EPM2A: variants seen among roughly 807,000 people sequenced by gnomAD.
EPM2A encodes laforin.
EPM2A carries 21 observed loss-of-function variants against 26.5 expected under a neutral mutation model. The observed-to-expected ratio is 0.79, with a 90% confidence interval of 0.56 to 1.14. EPM2A has a LOEUF of 1.14. Among genes scored for constraint, EPM2A ranks in the 50% most tolerant of loss-of-function variants. The probability of loss-of-function intolerance (pLI) is 0.00; values close to 1 mark genes in which losing one functional copy is unlikely to be tolerated. For missense variants in EPM2A, 458 were observed against 440.8 expected, an observed-to-expected ratio of 1.04 and a Z score of -0.35; for synonymous variants, 217 against 177.6, an observed-to-expected ratio of 1.22 and a Z score of -1.76.
intron 2 of EPM2A, among the ~76,000 whole-genome samples, chr6:145,590,414 A>G (rs893939301): frequency 4.0e-5 from 6 of 150,648 alleles, no homozygotes; most frequent in Non-Finnish European, 1.5e-5. Flanking sequence ...TTCGTATCTC[A>G]CTTAAATGGA....
intron 4 of EPM2A, among the ~76,000 whole-genome samples, chr6:145,405,891 A>T (rs957431891): frequency 6.6e-6 from 1 of 151,968 alleles, no homozygotes; most frequent in Admixed American, 6.6e-5. Context: ...CAATCTTATT[A>T]TTCCATCAAA....
chr6:145,603,307 T>C (rs561320825), intron 2 of EPM2A, among the ~76,000 whole-genome samples: 5 of 151,212 alleles, frequency 3.3e-5, no homozygotes, highest in African/African-American at 1.2e-4. Context: ...TTAAAGTAAA[T>C]GAGCCTGACC....
chr6:145,475,530 T>A (rs1189954963), intron 4 of EPM2A, among the ~76,000 whole-genome samples: 1 of 151,904 alleles, frequency 6.6e-6, no homozygotes, highest in Non-Finnish European at 1.5e-5. Context: ...GGTTGATCGG[T>A]GCAGCACACC....
At chr6:145,571,400 C>T (rs181847279) in intron 2 of EPM2A, among the ~76,000 whole-genome samples, 13 of 152,230 alleles carry the variant, frequency 8.5e-5, no homozygotes, top group East Asian at 7.7e-4. Flanking sequence ...CTTCTTTAGC[C>T]GTAAAGTTAG....
rs965722746 is a variant in EPM2A at position 145,555,003 on chromosome 6, C to T, written c.341-52428G>A. Reference sequence around the variant, plus strand: ...CCACTCACCTATGGAAGGTAATCTGCTTTACTCAAAATCTAATCATTTACA... The same window carrying T: ...CCACTCACCTATGGAAGGTAATCTGTTTTACTCAAAATCTAATCATTTACA... On this transcript the variant is annotated intron_variant, in intron 2 of 3. Transcript: ENST00000450221. Among the ~76,000 whole-genome samples the T allele has an allele frequency of 2.6e-5, 4 of 152,044 alleles. No individual in the cohort carries two copies. The South Asian group carries it at 8.3e-4, about 32-fold the overall frequency.
intron 4 of EPM2A, among the ~76,000 whole-genome samples, chr6:145,391,162 C>G (rs926216697): frequency 1.3e-5 from 2 of 152,120 alleles, no homozygotes; most frequent in African/African-American, 4.8e-5. Flanking sequence ...GTTGGACATA[C>G]CTGTTATACC....
chr6:145,400,644 A>C (rs1778471814), intron 4 of EPM2A, among the ~76,000 whole-genome samples: 1 of 152,294 alleles, frequency 6.6e-6, no homozygotes, highest in African/African-American at 2.4e-5. Flanking sequence ...TAACTGTATT[A>C]ATTTCAATGT....
chr6:145,690,655 G>T (rs1376739979), intron 1 of EPM2A, among the ~76,000 whole-genome samples: 1 of 150,446 alleles, frequency 6.6e-6, no homozygotes, highest in East Asian at 1.9e-4. Flanking sequence ...AAAGATGCCG[G>T]ATAAAGGCCA....
intron 1 of EPM2A, among the ~76,000 whole-genome samples, chr6:145,729,991 AGTT>A (rs1776404511): frequency 6.6e-6 from 1 of 152,000 alleles, no homozygotes; most frequent in Non-Finnish European, 1.5e-5. Context: ...CATGGGATCT[AGTT>A]GTTTAAAAGT....
chr6:145,672,811 T>A (rs1779745604), intron 2 of EPM2A, among the ~76,000 whole-genome samples: 1 of 152,066 alleles, frequency 6.6e-6, no homozygotes. Context: ...ACCTTCACCC[T>A]CCAGGCAGGA....
chr6:145,594,303 AT>A (rs1343914238), intron 2 of EPM2A, among the ~76,000 whole-genome samples: 1 of 151,928 alleles, frequency 6.6e-6, no homozygotes, highest in Non-Finnish European at 1.5e-5. Context: ...AAGAAAAAAA[AT>A]ATAAGGTTCA....
At chr6:145,607,924 G>A (rs544146472) in intron 2 of EPM2A, among the ~76,000 whole-genome samples, 39 of 152,292 alleles carry the variant, frequency 2.6e-4, no homozygotes, top group African/African-American at 8.7e-4. Context: ...GCTATCATGT[G>A]AGGCCAACGC....
chr6:145,691,569 C>T (rs1781283176), intron 1 of EPM2A, among the ~76,000 whole-genome samples: 1 of 151,904 alleles, frequency 6.6e-6, no homozygotes, highest in Non-Finnish European at 1.5e-5. Flanking sequence ...AGCAAACATT[C>T]TAACATTGTC....
rs751430731 is a variant in EPM2A at position 145,627,486 on chromosome 6, G to T, written c.926C>A (p.Ala309Asp). Residue 309 changes from alanine to aspartate, a missense_variant, in exon 4 of 4, where the codon GCC becomes GAC. Transcript: ENST00000367519. ...KRPAVYIDEE[A>D]LARAQEDFFQ... ...AAAATCTTCTTGTGCCCGGGCCAAG[G>T]CCTCTTCGTCAATGTAGACAGCCGG... The T allele has an allele frequency of 5.0e-6, 8 of 1,614,230 alleles. No homozygotes were observed. The South Asian group carries it at 8.8e-5, about 18-fold the overall frequency.
intron 2 of EPM2A, among the ~76,000 whole-genome samples, chr6:145,597,052 G>A (rs1276296931): frequency 1.3e-5 from 2 of 150,776 alleles, no homozygotes; most frequent in Non-Finnish European, 3.0e-5. Context: ...CCGCCACCGC[G>A]CCTGGCTAAT....
At chr6:145,384,250 G>T (rs1041889775) in intron 4 of EPM2A, among the ~76,000 whole-genome samples, 1 of 152,140 alleles carries the variant, frequency 6.6e-6, no homozygotes, top group Non-Finnish European at 1.5e-5. Flanking sequence ...GTTAAACGTA[G>T]CTTACAAAAA....
At chr6:145,729,815 G>A (rs148722802) in intron 1 of EPM2A, among the ~76,000 whole-genome samples, 9 of 152,288 alleles carry the variant, frequency 5.9e-5, no homozygotes, top group African/African-American at 2.2e-4. Flanking sequence ...CAGGAGATTT[G>A]GGAGGGGCTG....
At chr6:145,683,541 C>A (rs702316) in intron 2 of EPM2A, among the ~76,000 whole-genome samples, 116,994 of 151,930 alleles carry the variant, frequency 0.77, 45,669 homozygotes, top group African/African-American at 0.88. Context: ...AAGAAACGTA[C>A]GCTTTCTTGC....
At chr6:145,712,071 T>G (rs548045562) in intron 1 of EPM2A, among the ~76,000 whole-genome samples, 2 of 152,074 alleles carry the variant, frequency 1.3e-5, no homozygotes, top group African/African-American at 4.8e-5. Flanking sequence ...GAAGTTCAGG[T>G]GGAAGAATGG....
Sources: allele counts gnomAD v4.1 joint callset (sites outside exome capture counted in the v4.1 genomes callset), GRCh38; gene constraint gnomAD v4.1.1; transcripts MANE v1.5; gene names NCBI Gene and HGNC (gene_info 2026-07-23, HGNC 2026-07-21).